PRKG1: variants seen among roughly 807,000 people sequenced by gnomAD.
PRKG1 encodes the protein protein kinase cGMP-dependent 1, also known as cGMP-dependent protein kinase 1.
A neutral mutation model predicts 88.1 loss-of-function variants in PRKG1; 35 were observed. That is an observed-to-expected ratio of 0.40 (90% CI 0.30 to 0.53). The LOEUF (loss-of-function observed/expected upper bound fraction) is 0.53, where lower values mean the gene tolerates loss of function less well. Among genes scored for constraint, PRKG1 ranks in the 20% least tolerant of loss-of-function variants. The probability of loss-of-function intolerance (pLI) is 0.59; values close to 1 mark genes in which losing one functional copy is unlikely to be tolerated. For synonymous variants in PRKG1, 303 were observed against 292.5 expected, an observed-to-expected ratio of 1.04 and a Z score of -0.37; for missense variants, 540 against 839.8, an observed-to-expected ratio of 0.64 and a Z score of 4.41.
At chr10:51,734,316 C>CAT (rs1436681908) in intron 3 of PRKG1, among the ~76,000 whole-genome samples, 1 of 152,142 alleles carries the variant, frequency 6.6e-6, no homozygotes, top group Non-Finnish European at 1.5e-5. Flanking sequence ...GAAGTGAAAA[C>CAT]ATACTACTAG....
chr10:51,506,743 G>T (rs1008416845), intron 3 of PRKG1, among the ~76,000 whole-genome samples: 6 of 152,274 alleles, frequency 3.9e-5, no homozygotes, highest in African/African-American at 1.2e-4. Context: ...AGGCATTGTG[G>T]CGATTCCTCA....
At chr10:51,498,648 A>G (rs897532169) in intron 3 of PRKG1, among the ~76,000 whole-genome samples, 2 of 152,204 alleles carry the variant, frequency 1.3e-5, no homozygotes, top group African/African-American at 4.8e-5. Flanking sequence ...AGTGGTGTCT[A>G]TAATCCCTGA....
chr10:51,364,150 C>G (rs529593539), intron 2 of PRKG1, among the ~76,000 whole-genome samples: 1 of 151,948 alleles, frequency 6.6e-6, no homozygotes, highest in Non-Finnish European at 1.5e-5. Flanking sequence ...ATATCATCCA[C>G]GCTAAATCTC....
chr10:51,543,684 A>G (rs768262817), intron 3 of PRKG1, among the ~76,000 whole-genome samples: 61 of 152,194 alleles, frequency 4.0e-4, no homozygotes, highest in Non-Finnish European at 7.2e-4. Context: ...TCTGCTGTGA[A>G]GACTAGGTGT....
rs921690620 is a variant in PRKG1, at chr10:51,725,569, C to T, written c.593-79016C>T. ...GCATGGCACAGAAGATGGGAAGATT[C>T]GATAGAGCATGCTTATGTTGGTGGA... On this transcript the variant is annotated intron_variant, in intron 3 of 17. Transcript: ENST00000373980. Among the ~76,000 whole-genome samples, 80 of 150,954 alleles carry T rather than the reference C, an allele frequency of 5.3e-4. 3 individuals carry two copies. The highest frequency in any genetic ancestry group is 1.9e-4 in the East Asian group (1 of 5,178).
At chr10:51,136,985 T>C (rs573416994) in intron 1 of PRKG1, among the ~76,000 whole-genome samples, 30 of 152,176 alleles carry the variant, frequency 2.0e-4, no homozygotes, top group East Asian at 9.7e-4. Context: ...CCTGGGTTCA[T>C]GCCATTCTCC....
At chr10:52,232,001 G>T (rs753561956) in intron 9 of PRKG1, among the ~76,000 whole-genome samples, 5 of 152,134 alleles carry the variant, frequency 3.3e-5, no homozygotes, top group Non-Finnish European at 5.9e-5. Flanking sequence ...TTCTTTGCTG[G>T]TGCTTTGATT....
At chr10:51,193,859 A>T (rs1485768341) in intron 2 of PRKG1, among the ~76,000 whole-genome samples, 1 of 152,158 alleles carries the variant, frequency 6.6e-6, no homozygotes, top group South Asian at 2.1e-4. Flanking sequence ...ATTTGTGCCT[A>T]TAATCACAAG....
At chr10:51,508,788 A>G (rs1255033630) in intron 3 of PRKG1, among the ~76,000 whole-genome samples, 1 of 152,164 alleles carries the variant, frequency 6.6e-6, no homozygotes, top group Admixed American at 6.5e-5. Context: ...TCTTTACCCA[A>G]ACTGACCAAA....
intron 4 of PRKG1, among the ~76,000 whole-genome samples, chr10:51,901,196 A>G (rs1841971769): frequency 6.6e-6 from 1 of 152,224 alleles, no homozygotes; most frequent in Non-Finnish European, 1.5e-5. Flanking sequence ...TCTTTTAAAA[A>G]GTTATTCAAC....
At chr10:52,128,398 A>G (rs1338527910) in intron 7 of PRKG1, 1 of 985,254 alleles carries the variant, frequency 1.0e-6, no homozygotes, top group South Asian at 4.7e-5. Context: ...GTTCTCTCAT[A>G]GCCATGAGAC....
At position 51,104,932 on chromosome 10, in the gene PRKG1, T is replaced by C. The variant is rs540027113; in HGVS notation, c.311+30031T>C. On this transcript the variant is annotated intron_variant, in intron 1 of 17. Coordinates refer to ENST00000373980, the MANE Select transcript of PRKG1 (RefSeq NM_006258.4). ...TTTTAGTAGAGATGGGTTTTCACCATGTAGGTCAGGCTAGTCTCGAACTCC... is the reference window on the plus strand; with the variant it reads ...TTTTAGTAGAGATGGGTTTTCACCACGTAGGTCAGGCTAGTCTCGAACTCC... 3.4e-4 allele frequency among the ~76,000 whole-genome samples: 52 copies of C among 152,152 alleles called. No homozygotes were observed. In the South Asian group the frequency reaches 6.9e-3, roughly 20 times the overall value.
At chr10:51,130,226 T>A (rs1845530996) in intron 1 of PRKG1, among the ~76,000 whole-genome samples, 1 of 152,190 alleles carries the variant, frequency 6.6e-6, no homozygotes, top group Admixed American at 6.5e-5. Flanking sequence ...AACAGAGAAG[T>A]TAGAGAATGG....
intron 3 of PRKG1, among the ~76,000 whole-genome samples, chr10:51,675,267 A>G (rs910509532): frequency 2.0e-4 from 30 of 152,314 alleles, no homozygotes; most frequent in Middle Eastern, 6.8e-3. Context: ...TATTTGGGAA[A>G]TGACCAAAAA....
rs1400598411 is a variant in PRKG1 at position 51,176,419 on chromosome 10, G to A, written c.478+23089G>A. On this transcript the variant is annotated intron_variant, in intron 2 of 17. Transcript: ENST00000373980. ...ACAGACATTTAGCATATATAAATAT[G>A]AGCCAGGCACCATGCTAGATGCTTA... Among the ~76,000 whole-genome samples the A allele has an allele frequency of 1.3e-5, 2 of 152,080 alleles. 1 individual carries two copies. The highest frequency in any genetic ancestry group is 2.9e-5 in the Non-Finnish European group (2 of 68,012).
chr10:51,838,275 A>G (rs374078547), intron 4 of PRKG1, among the ~76,000 whole-genome samples: 37 of 152,190 alleles, frequency 2.4e-4, no homozygotes, highest in African/African-American at 8.2e-4. Context: ...TTTCAATCCA[A>G]GAGTTATTTG....
At chr10:51,731,205 A>G (rs538630869) in intron 3 of PRKG1, among the ~76,000 whole-genome samples, 1 of 152,300 alleles carries the variant, frequency 6.6e-6, no homozygotes, top group African/African-American at 2.4e-5. Flanking sequence ...AAGGTCTTAT[A>G]TTGAGAACTA....
At chr10:51,312,572 G>A (rs1241171808) in intron 2 of PRKG1, among the ~76,000 whole-genome samples, 2 of 152,118 alleles carry the variant, frequency 1.3e-5, no homozygotes, top group African/African-American at 4.8e-5. Flanking sequence ...AGGGGTAGGT[G>A]AGAAAGGATG....
intron 2 of PRKG1, among the ~76,000 whole-genome samples, chr10:51,282,691 C>T (rs1223350859): frequency 6.6e-6 from 1 of 152,004 alleles, no homozygotes; most frequent in African/African-American, 2.4e-5. Context: ...TAAATATTTC[C>T]CAATGGAAAC....
Sources: gnomAD v4.1 joint callset for allele counts (sites outside exome capture counted in the v4.1 genomes callset) on GRCh38, gnomAD v4.1.1 for gene constraint, MANE v1.5 for transcripts, NCBI Gene and HGNC (gene_info 2026-07-23, HGNC 2026-07-21) for gene names.